The following TMPRSS11D variants were observed in gnomAD, a reference collection of about 807,000 sequenced individuals.
The protein encoded by TMPRSS11D is transmembrane protease serine 11D.
A neutral mutation model predicts 44.4 loss-of-function variants in TMPRSS11D; 32 were observed. That is an observed-to-expected ratio of 0.72 (90% CI 0.54 to 0.97). The LOEUF (loss-of-function observed/expected upper bound fraction) is 0.97. TMPRSS11D is among the 50% of genes least tolerant of loss of function. The probability of loss-of-function intolerance (pLI) is 0.00; values close to 1 mark genes in which losing one functional copy is unlikely to be tolerated. For missense variants in TMPRSS11D, 446 were observed against 502.6 expected, an observed-to-expected ratio of 0.89 and a Z score of 1.08; for synonymous variants, 179 against 177.9, an observed-to-expected ratio of 1.01 and a Z score of -0.05.
chr4:67,831,309 T>G (rs1577805219), intron 7 of TMPRSS11D, among the ~76,000 whole-genome samples: 1 of 152,122 alleles, frequency 6.6e-6, no homozygotes, highest in Non-Finnish European at 1.5e-5. Flanking sequence ...AGGCTGGTCA[T>G]GCCCCAAACA....
At position 67,835,986 on chromosome 4, in the gene TMPRSS11D, A is replaced by G. The variant is rs1303791826; in HGVS notation, c.476-865T>C. Among the ~76,000 whole-genome samples the G allele has an allele frequency of 3.9e-5, 6 of 152,296 alleles. No homozygotes were observed. The East Asian group carries it at 1.2e-3, about 29-fold the overall frequency. On this transcript the variant is annotated intron_variant, in intron 5 of 9. Transcript: ENST00000283916. ...ACAAGACAGTTTTCTCTGCATGTCC[A>G]ACAGCCATCTCAAACTCAGTGGGAC...
chr4:67,840,532 C>T (rs1436593123), intron 4 of TMPRSS11D, among the ~76,000 whole-genome samples: 1 of 151,784 alleles, frequency 6.6e-6, no homozygotes, highest in Non-Finnish European at 1.5e-5. Flanking sequence ...TGACAAATGA[C>T]GTAAAAGAGG....
Position 67,822,257 on chromosome 4 carries a change from T to A in TMPRSS11D, c.*80A>T. Reference sequence around the variant, plus strand: ...AAATTAGGACATTTCTAGTTTCTTTTTCAGTTGAAATGTAAAGCTTTGGAA... The same window carrying A: ...AAATTAGGACATTTCTAGTTTCTTTATCAGTTGAAATGTAAAGCTTTGGAA... On this transcript the variant is annotated 3_prime_UTR_variant, in exon 10 of 10. Transcript: ENST00000283916. The A allele has an allele frequency of 2.7e-6, 4 of 1,462,150 alleles. No individual in the cohort carries two copies. The highest frequency in any genetic ancestry group is 3.7e-6 in the Non-Finnish European group (4 of 1,067,014). 90.6% of individuals were successfully genotyped at this position (1,462,150 alleles called of 1,614,324 possible).
rs924415143 is a variant in TMPRSS11D at position 67,828,923 on chromosome 4, A to T, written c.693-1403T>A. On this transcript the variant is annotated intron_variant, in intron 7 of 9. Transcript: ENST00000283916. ...AAAAATAACATCTTCTTCTTATGAGAGTAAGAAAGTTAGCCAAAGCTTTAG... is the reference window on the plus strand; with the variant it reads ...AAAAATAACATCTTCTTCTTATGAGTGTAAGAAAGTTAGCCAAAGCTTTAG... 3.3e-5 allele frequency among the ~76,000 whole-genome samples: 5 copies of T among 152,040 alleles called. No homozygotes were observed. The South Asian group carries it at 1.0e-3, about 32-fold the overall frequency.
At chr4:67,854,296 C>T in intron 2 of TMPRSS11D, 110 bp from the exon 3 acceptor site, 1 of 559,726 alleles carries the variant, frequency 1.8e-6, no homozygotes, top group Non-Finnish European at 3.1e-6. Flanking sequence ...AATTTGCTTT[C>T]CTTGAAAGAA....
At chr4:67,832,211 TTG>T (rs1301366699) in intron 7 of TMPRSS11D, among the ~76,000 whole-genome samples, 2 of 151,998 alleles carry the variant, frequency 1.3e-5, no homozygotes, top group Non-Finnish European at 2.9e-5. Flanking sequence ...ATGGAAGGCT[TTG>T]TGTGTGTGAT....
intron 1 of TMPRSS11D, among the ~76,000 whole-genome samples, chr4:67,875,649 C>A (rs1157374339): frequency 6.6e-6 from 1 of 152,240 alleles, no homozygotes; most frequent in Non-Finnish European, 1.5e-5. Context: ...GGGTTCAAAT[C>A]CCATTTCTGC....
At chr4:67,866,547 A>T (rs1718931074) in intron 1 of TMPRSS11D, among the ~76,000 whole-genome samples, 1 of 151,962 alleles carries the variant, frequency 6.6e-6, no homozygotes, top group Admixed American at 6.6e-5. Flanking sequence ...GAGGAAGTCA[A>T]ATTATCTCTA....
intron 1 of TMPRSS11D, among the ~76,000 whole-genome samples, chr4:67,874,963 C>A (rs1039025464): frequency 2.0e-5 from 3 of 152,152 alleles, no homozygotes; most frequent in African/African-American, 7.2e-5. Flanking sequence ...AATATTAGTT[C>A]TTTGAAATGT....
chr4:67,854,100 A>G lies in TMPRSS11D; in HGVS notation c.217T>C (p.Tyr73His). The change falls in exon 3 of 10, where the codon TAC (tyrosine) becomes CAC (histidine). Residue 73 changes from tyrosine to histidine, a missense_variant. Tyr to His is a moderately conservative substitution (Grantham distance 83). Coordinates refer to ENST00000283916, the MANE Select transcript of TMPRSS11D (RefSeq NM_004262.3). ...SQLNSPATQEYRTLSGRIESL... is the reference protein window; with the variant it reads ...SQLNSPATQEHRTLSGRIESL... Reference sequence around the variant, plus strand: ...TCAATTCTTCCACTCAAAGTCCTGTATTCCTGTGTAGCTGGTGAATTTAAC... The same window carrying G: ...TCAATTCTTCCACTCAAAGTCCTGTGTTCCTGTGTAGCTGGTGAATTTAAC... The G allele has an allele frequency of 6.3e-7, 1 of 1,594,646 alleles. No homozygotes were observed. Among genetic ancestry groups the G allele is most frequent in the Non-Finnish European group, 8.5e-7 (1 of 1,171,418 alleles).
chr4:67,859,549 G>A lies in TMPRSS11D; in HGVS notation c.130+8C>T, dbSNP rs1718743776. The A allele has an allele frequency of 1.9e-6, 3 of 1,612,400 alleles. No homozygotes were observed. In the East Asian group the frequency reaches 6.7e-5, roughly 36 times the overall value. ...AAATCTGAAGAGTAATAATGTTCTG[G>A]TACTTACCAAAAGCTAAAAAGTAAA... On this transcript the variant is annotated splice_region_variant and intron_variant, in intron 2 of 9. Transcript: ENST00000283916.
intron 1 of TMPRSS11D, among the ~76,000 whole-genome samples, chr4:67,875,509 T>C (rs938883796): frequency 6.6e-6 from 1 of 152,148 alleles, no homozygotes; most frequent in Non-Finnish European, 1.5e-5. Flanking sequence ...AAACACTTTA[T>C]TCCCCTGGAA....
rs551124142 is a variant in TMPRSS11D at position 67,835,457 on chromosome 4, T to C, written c.476-336A>G. ...GGAAAACAGAAACATAAGCAAGTCA[T>C]TGAGATGCAATGTGATAAATACTAT... is the stretch of plus-strand genomic sequence containing the variant. On this transcript the variant is annotated intron_variant, in intron 5 of 9. Transcript: ENST00000283916. Among the ~76,000 whole-genome samples, 4 of 152,274 alleles carry C rather than the reference T, an allele frequency of 2.6e-5. No individual in the cohort carries two copies. The East Asian group carries it at 7.7e-4, about 29-fold the overall frequency.
At chr4:67,883,121 A>G (rs1419729566) in intron 1 of TMPRSS11D, among the ~76,000 whole-genome samples, 2 of 152,048 alleles carry the variant, frequency 1.3e-5, no homozygotes, top group Non-Finnish European at 2.9e-5. Flanking sequence ...TTTAAAATAA[A>G]TTCAGCTGCA....
intron 1 of TMPRSS11D, among the ~76,000 whole-genome samples, chr4:67,860,752 A>C (rs145041890): frequency 0.011 from 1,733 of 152,250 alleles, 24 homozygotes; most frequent in African/African-American, 0.04. Context: ...ATGTAGGCAT[A>C]TTCTAATTTT....
chr4:67,831,256 TC>T (rs1717937586), intron 7 of TMPRSS11D, among the ~76,000 whole-genome samples: 1 of 152,050 alleles, frequency 6.6e-6, no homozygotes, highest in Non-Finnish European at 1.5e-5. Context: ...AATTCAATAA[TC>T]CTCTTTGATA....
chr4:67,823,513 G>A (rs532418240), intron 9 of TMPRSS11D, among the ~76,000 whole-genome samples: 1 of 152,232 alleles, frequency 6.6e-6, no homozygotes, highest in East Asian at 1.9e-4. Context: ...CTCATATAAT[G>A]TTTGTATCAG....
chr4:67,821,074 G>A lies in TMPRSS11D; in HGVS notation c.*1263C>T, dbSNP rs1717620886. 6.6e-6 allele frequency: 1 copy of A among 152,254 alleles called. No homozygotes were observed. The highest frequency in any genetic ancestry group is 1.5e-5 in the Non-Finnish European group (1 of 68,062). The allele number at this position is 152,254 out of a possible 1,614,324, so 9.4% of individuals were successfully genotyped here. On this transcript the variant is annotated 3_prime_UTR_variant, in exon 10 of 10. Coordinates refer to ENST00000283916, the MANE Select transcript of TMPRSS11D (RefSeq NM_004262.3). ...CAGTCCTGATGCCCAGATGCAGGGAGTTAGCTTGTAGAAGGAGGAAGCTCT... is the reference window on the plus strand; with the variant it reads ...CAGTCCTGATGCCCAGATGCAGGGAATTAGCTTGTAGAAGGAGGAAGCTCT...
At chr4:67,873,441 G>A (rs879512082) in intron 1 of TMPRSS11D, among the ~76,000 whole-genome samples, 1 of 152,064 alleles carries the variant, frequency 6.6e-6, no homozygotes, top group Non-Finnish European at 1.5e-5. Flanking sequence ...TGGGAATCTG[G>A]GAAACTAAGC....
Sources: gnomAD v4.1 joint callset for allele counts (sites outside exome capture counted in the v4.1 genomes callset) on GRCh38, gnomAD v4.1.1 for gene constraint, MANE v1.5 for transcripts, NCBI Gene and HGNC (gene_info 2026-07-23, HGNC 2026-07-21) for gene names.